The following ATG2B variants were observed in gnomAD, a reference collection of about 807,000 sequenced individuals.
The protein encoded by ATG2B is autophagy related 2B, also known as autophagy-related protein 2 homolog B.
Under a neutral mutation model 241.3 loss-of-function variants are expected in ATG2B, and 121 were observed. The ratio of observed to expected loss-of-function variants is 0.50; its 90% CI spans 0.43 to 0.58. ATG2B has a LOEUF of 0.58. Ranked by LOEUF, ATG2B falls within the 20% of genes least tolerant of loss-of-function variation. The pLI is 0.00. For missense variants in ATG2B, 2,306 were observed against 2,491.6 expected (o/e 0.93, Z 1.59); for synonymous variants, 858 against 876.6 (o/e 0.98, Z 0.37).
In ATG2B at chr14:96,336,512, A is replaced by G. The variant is rs183781636; in HGVS notation, c.925-2011T>C. On this transcript the variant is annotated intron_variant, in intron 6 of 41. Coordinates refer to ENST00000359933, the MANE Select transcript of ATG2B (RefSeq NM_018036.7). ...ACATGTTCATTTGTCACTAATATAC[A>G]GAACTCTAAAAGTAACATATATTTA... 4.9e-4 allele frequency among the ~76,000 whole-genome samples: 75 copies of G among 152,344 alleles called. 1 individual carries two copies. In the East Asian group the frequency reaches 0.014, roughly 29 times the overall value.
intron 21 of ATG2B, among the ~76,000 whole-genome samples, chr14:96,315,792 A>C (rs1410823173): frequency 6.6e-6 from 1 of 152,220 alleles, no homozygotes; most frequent in Non-Finnish European, 1.5e-5. Context: ...GAAACAAAAG[A>C]TTCTGAAATG....
chr14:96,319,883 C>T (rs1887414968), intron 18 of ATG2B, among the ~76,000 whole-genome samples: 4 of 151,916 alleles, frequency 2.6e-5, no homozygotes, highest in Non-Finnish European at 2.9e-5. Flanking sequence ...AATACAAAGC[C>T]GGATAAGGGG....
In ATG2B at chr14:96,303,064, G is replaced by A. The variant is rs1179245389; in HGVS notation, c.5034C>T (p.Asn1678=). The part of the protein sequence containing the change: ...SKEMPRKAHS[N]MLTVKALHVC... ...CAACGATGAGGTTAACTCTTACCAT[G>A]TTGGAGTGAGCTTTTCGAGGCATTT... The change falls in exon 33 of 42, where the codon AAC becomes AAT. Residue 1678 remains asparagine (N), a synonymous_variant. Coordinates refer to ENST00000359933, the MANE Select transcript of ATG2B (RefSeq NM_018036.7). 1.9e-6 allele frequency: 3 copies of A among 1,584,068 alleles called. No homozygotes were observed.
Position 96,328,457 on chromosome 14 carries a change from C to G in ATG2B, c.2053G>C (p.Asp685His), listed in dbSNP as rs369689045. 1 of 1,613,310 alleles carries G rather than the reference C, an allele frequency of 6.2e-7. No homozygotes were observed. Among genetic ancestry groups the G allele is most frequent in the African/African-American group, 1.3e-5 (1 of 74,774 alleles). The change falls in exon 14 of 42, where the codon GAT becomes CAT. Residue 685 changes from aspartate to histidine, a missense_variant. By Grantham distance (81) the Asp-to-His change is moderately conservative (BLOSUM62 -1). Around this residue, in one of 2 missense-constraint regions of ATG2B, gnomAD observed 1,927 missense variants for 2,011.2 expected, o/e 0.96. Coordinates refer to ENST00000359933, the MANE Select transcript of ATG2B (RefSeq NM_018036.7). The stretch of plus-strand genomic sequence containing the variant: ...TTTAACCTGTCCACAATACTGATAT[C>G]CAGCTCACAACACACTGGATTTAAT... ...IKLNPVCCEL[D>H]ISIVDRLNSL...
intron 29 of ATG2B, among the ~76,000 whole-genome samples, chr14:96,307,128 T>C (rs548494356): frequency 1.5e-4 from 23 of 152,036 alleles, no homozygotes; most frequent in Non-Finnish European, 2.8e-4. Flanking sequence ...AAACCACTAA[T>C]AGGCCAGGCA....
In ATG2B at chr14:96,354,077, A is replaced by C. The variant is rs183742967; in HGVS notation, c.163-6736T>G. 4.2e-3 allele frequency among the ~76,000 whole-genome samples: 640 copies of C among 152,268 alleles called. 4 individuals are homozygous for C. Among genetic ancestry groups the C allele is most frequent in the Non-Finnish European group, 6.4e-3 (437 of 68,008 alleles). Reference sequence around the variant, plus strand: ...ACATACAAGGAATATGTAGTTTTTTAAAAAAAATTTCAGAGATAATTGAGC... The same window carrying C: ...ACATACAAGGAATATGTAGTTTTTTCAAAAAAATTTCAGAGATAATTGAGC... On this transcript the variant is annotated intron_variant, in intron 1 of 41. Transcript: ENST00000359933.
chr14:96,284,407 G>T lies in ATG2B; in HGVS notation c.*1348C>A, dbSNP rs1315100790. The T allele has an allele frequency of 6.6e-6, 1 of 152,176 alleles. No individual in the cohort carries two copies. The highest frequency in any genetic ancestry group is 1.9e-4 in the East Asian group (1 of 5,206). The allele number at this position is 152,176 out of a possible 1,614,324, so 9.4% of individuals were successfully genotyped here. A position where few individuals can be genotyped will look rare whatever the true frequency, so the allele number is the denominator to read the frequency against. ...TGCTTTCCTGCTTAGAAAATTTAGA[G>T]AACGAAATTGATTTAACTACATTTT... On this transcript the variant is annotated 3_prime_UTR_variant, in exon 42 of 42. Transcript: ENST00000359933.
At chr14:96,295,962 C>G (rs1298756808) in intron 34 of ATG2B, among the ~76,000 whole-genome samples, 1 of 150,420 alleles carries the variant, frequency 6.6e-6, no homozygotes, top group Non-Finnish European at 1.5e-5. Flanking sequence ...GTGCTGGACA[C>G]TTTTTTTTTT....
At chr14:96,313,240 TG>T in intron 24 of ATG2B, 83 bp from the exon 25 acceptor site, 1 of 1,360,236 alleles carries the variant, frequency 7.4e-7, no homozygotes, top group South Asian at 1.2e-5. Context: ...AACAACAATT[TG>T]AACCTTAACT....
chr14:96,337,737 T>C (rs1887903120), intron 6 of ATG2B, among the ~76,000 whole-genome samples: 1 of 152,140 alleles, frequency 6.6e-6, no homozygotes, highest in African/African-American at 2.4e-5. Context: ...GTTTTTTGTT[T>C]AGTATTGTTT....
At chr14:96,302,692 T>C (rs1226513243) in intron 33 of ATG2B, among the ~76,000 whole-genome samples, 2 of 152,212 alleles carry the variant, frequency 1.3e-5, no homozygotes, top group Non-Finnish European at 1.5e-5. Context: ...TAGGTCCATA[T>C]GCCAAAATCA....
Position 96,279,404 on chromosome 14 carries a change from C to CTCATTCATTCATTCAT in ATG2B, c.*6335_*6350dup, listed in dbSNP as rs10642903. The CTCATTCATTCATTCAT allele has an allele frequency of 2.7e-5, 4 of 150,746 alleles. No individual in the cohort carries two copies. Among genetic ancestry groups the CTCATTCATTCATTCAT allele is most frequent in the African/African-American group, 4.9e-5 (2 of 40,988 alleles). The allele number at this position is 150,746 out of a possible 1,614,324, so 9.3% of individuals were successfully genotyped here. On this transcript the variant is annotated 3_prime_UTR_variant, in exon 42 of 42. Coordinates refer to ENST00000359933, the MANE Select transcript of ATG2B (RefSeq NM_018036.7). Reference sequence around the variant, plus strand: ...CTAGATGACCACTCGGGTTCACTCACTCATTCATTCATTCATTCACTCATT... The same window carrying CTCATTCATTCATTCAT: ...CTAGATGACCACTCGGGTTCACTCACTCATTCATTCATTCATTCATTCATTCATTCATTCACTCATT...
chr14:96,326,507 TG>T (rs1010976136), intron 14 of ATG2B, among the ~76,000 whole-genome samples: 1 of 152,158 alleles, frequency 6.6e-6, no homozygotes, highest in Non-Finnish European at 1.5e-5. Flanking sequence ...AATGGTTCTA[TG>T]AGACCAAGAT....
rs17094014 is a variant in ATG2B at position 96,317,127 on chromosome 14, C to A, written c.3210+18G>T. ...GTAAGATACATTTGAAAAAACACTT[C>A]GGATTTGTAAACCTCACCTTCACAT... On this transcript the variant is annotated intron_variant, in intron 20 of 41. Coordinates refer to ENST00000359933, the MANE Select transcript of ATG2B (RefSeq NM_018036.7). 3 of 1,582,030 alleles carry A rather than the reference C, an allele frequency of 1.9e-6. No homozygotes were observed. Among genetic ancestry groups the A allele is most frequent in the Non-Finnish European group, 2.6e-6 (3 of 1,162,192 alleles).
chr14:96,302,399 T>C (rs1201585826), intron 33 of ATG2B, among the ~76,000 whole-genome samples: 1 of 151,792 alleles, frequency 6.6e-6, no homozygotes, highest in East Asian at 1.9e-4. Flanking sequence ...GCCTGTGCAA[T>C]ATAGGAAAAC....
intron 36 of ATG2B, among the ~76,000 whole-genome samples, chr14:96,293,527 A>T (rs2139838893): frequency 6.6e-6 from 1 of 152,326 alleles, no homozygotes; most frequent in Non-Finnish European, 1.5e-5. Flanking sequence ...TGTTTGGAGG[A>T]AGGGGGCTCT....
chr14:96,294,933 A>T (rs1566714440), intron 36 of ATG2B, 27 bp downstream of exon 36: 1 of 1,593,398 alleles, frequency 6.3e-7, no homozygotes. Flanking sequence ...AAATAACTTC[A>T]TTTGTTATTA....
chr14:96,314,735 C>G (rs1441253186), intron 23 of ATG2B, among the ~76,000 whole-genome samples: 1 of 152,204 alleles, frequency 6.6e-6, no homozygotes, highest in Non-Finnish European at 1.5e-5. Context: ...GAGCTTCGCT[C>G]TTGTCGCCAG....
rs1345903727 is a variant in ATG2B at position 96,295,530 on chromosome 14, TGAA to T, written c.5167_5169del (p.Phe1723del). 2.5e-6 allele frequency: 4 copies of T among 1,606,430 alleles called. No individual in the cohort carries two copies. Among genetic ancestry groups the T allele is most frequent in the Non-Finnish European group, 3.4e-6 (4 of 1,177,438 alleles). On this transcript the variant is annotated inframe_deletion, in exon 35 of 42. Transcript: ENST00000359933. The stretch of plus-strand genomic sequence containing the variant: ...AGCTCTACTTCTGCAGAAAGACTTG[TGAA>T]GAAATCCTTCAGGAAGAACAAAGCA...
Sources: gnomAD v4.1 joint callset for allele counts (sites outside exome capture counted in the v4.1 genomes callset) on GRCh38, gnomAD v4.1.1 for gene constraint, gnomAD v4.1.1 regional missense constraint, MANE v1.5 for transcripts, NCBI Gene and HGNC (gene_info 2026-07-23, HGNC 2026-07-21) for gene names.